PHF14: variants seen among roughly 807,000 people sequenced by gnomAD.
The protein encoded by PHF14 is PHD finger protein 14.
PHF14 carries 55 observed loss-of-function variants against 117.9 expected under a neutral mutation model. That is an observed-to-expected ratio of 0.47 (90% CI 0.38 to 0.58). The LOEUF (loss-of-function observed/expected upper bound fraction) is 0.58. Ranked by LOEUF, PHF14 falls within the 20% of genes least tolerant of loss-of-function variation. The pLI, the probability that PHF14 is intolerant of heterozygous loss-of-function variation, is 0.00. For synonymous variants in PHF14, 409 were observed against 368.6 expected (o/e 1.11, Z -1.26); for missense variants, 978 against 1,122.2 (o/e 0.87, Z 1.84).
At chr7:11,028,565 T>G (rs1338139471) in intron 6 of PHF14, 116 bp from the exon 7 acceptor site, 3 of 898,012 alleles carry the variant, frequency 3.3e-6, no homozygotes, top group Non-Finnish European at 5.2e-6. Context: ...TGGTACATAA[T>G]TGGTTCATTA....
chr7:11,004,246 CAAAAAAAAAAA>C (rs55917513), intron 4 of PHF14, among the ~76,000 whole-genome samples: 3 of 51,264 alleles, frequency 5.9e-5, no homozygotes, highest in South Asian at 8.0e-4. Flanking sequence ...GACTTTGTCT[CAAAAAAAAAAA>C]AAAAAAAAAA....
chr7:11,121,139 G>T (rs2128345865), intron 17 of PHF14, among the ~76,000 whole-genome samples: 1 of 152,208 alleles, frequency 6.6e-6, no homozygotes, highest in East Asian at 1.9e-4. Context: ...CCTAAAGAAT[G>T]ACTTTTTAAC....
chr7:11,031,461 T>G (rs1220050822), intron 7 of PHF14, among the ~76,000 whole-genome samples: 1 of 152,076 alleles, frequency 6.6e-6, no homozygotes, highest in Non-Finnish European at 1.5e-5. Context: ...TTTTTAAAAC[T>G]GGACTATAGG....
At chr7:11,004,953 G>T (rs1171134045) in intron 4 of PHF14, among the ~76,000 whole-genome samples, 1 of 151,888 alleles carries the variant, frequency 6.6e-6, no homozygotes, top group African/African-American at 2.4e-5. Flanking sequence ...GGAGGCGGAG[G>T]TTACAGTAAG....
intron 4 of PHF14, chr7:11,006,959 G>GA (rs1251867822): frequency 2.6e-5 from 11 of 425,636 alleles, no homozygotes; most frequent in African/African-American, 2.0e-4. Flanking sequence ...TGGATCACCT[G>GA]AAGTCAGGAG....
chr7:10,978,188 G>A (rs1781934662), intron 2 of PHF14, among the ~76,000 whole-genome samples: 1 of 152,168 alleles, frequency 6.6e-6, no homozygotes, highest in Non-Finnish European at 1.5e-5. Flanking sequence ...ACCAAGATGT[G>A]TTCATTGATT....
At chr7:11,118,646 G>A (rs1787666628) in intron 17 of PHF14, among the ~76,000 whole-genome samples, 1 of 151,582 alleles carries the variant, frequency 6.6e-6, no homozygotes, top group Non-Finnish European at 1.5e-5. Context: ...TCCTAGACGT[G>A]TTTTCTGAAA....
At chr7:11,059,242 A>G (rs1453815286) in intron 14 of PHF14, among the ~76,000 whole-genome samples, 1 of 152,210 alleles carries the variant, frequency 6.6e-6, no homozygotes, top group Non-Finnish European at 1.5e-5. Flanking sequence ...TCAAAATGGT[A>G]AATAAACATC....
At chr7:11,147,515 T>A (rs192092943) in intron 17 of PHF14, among the ~76,000 whole-genome samples, 1 of 152,314 alleles carries the variant, frequency 6.6e-6, no homozygotes, top group Admixed American at 6.5e-5. Context: ...TCACTTACAA[T>A]CTCTTTCTTA....
chr7:11,015,821 AT>A (rs200930490), intron 5 of PHF14, among the ~76,000 whole-genome samples: 4,268 of 131,218 alleles, frequency 0.033, 107 homozygotes, highest in East Asian at 0.11. Flanking sequence ...TCATGCATAG[AT>A]TTTTTTTTTT....
chr7:10,988,989 A>G (rs1451912815), intron 3 of PHF14, among the ~76,000 whole-genome samples: 7 of 152,106 alleles, frequency 4.6e-5, no homozygotes, highest in Admixed American at 2.6e-4. Flanking sequence ...TTGTTTGCTT[A>G]CTCTGGTACT....
chr7:10,990,880 A>C, intron 4 of PHF14, 33 bp downstream of exon 4: 2 of 1,511,414 alleles, frequency 1.3e-6, no homozygotes, highest in African/African-American at 2.8e-5. Flanking sequence ...CTTTTTAGAA[A>C]TGGCTGACTG....
intron 13 of PHF14, among the ~76,000 whole-genome samples, chr7:11,045,200 G>A (rs1160727161): frequency 6.6e-6 from 1 of 152,124 alleles, no homozygotes; most frequent in Non-Finnish European, 1.5e-5. Flanking sequence ...ACATTTACTA[G>A]CATATCACTG....
chr7:11,013,750 G>A lies in PHF14; in HGVS notation c.1049G>A (p.Cys350Tyr). Residue 350 changes from cysteine (C) to tyrosine (Y), a missense_variant, in exon 5 of 18, where the codon TGT (cysteine) becomes TAT (tyrosine). By Grantham distance (194) the Cys-to-Tyr change is radical (BLOSUM62 -2). Coordinates refer to ENST00000634607, the MANE Select transcript of PHF14 (RefSeq NM_001007157.2). ...ATAGTGTTTTTGTTTTTTTTAGGTTGTTATGGAGTTGATGGAGAGAGTGAC... is the reference window on the plus strand; with the variant it reads ...ATAGTGTTTTTGTTTTTTTTAGGTTATTATGGAGTTGATGGAGAGAGTGAC... ...DNCGITVHEG[C>Y]YGVDGESDSI... The A allele has an allele frequency of 6.5e-7, 1 of 1,535,308 alleles. No individual in the cohort carries two copies. The highest frequency in any genetic ancestry group is 8.9e-7 in the Non-Finnish European group (1 of 1,127,380).
intron 17 of PHF14, among the ~76,000 whole-genome samples, chr7:11,123,021 G>A (rs941149389): frequency 5.9e-5 from 9 of 152,034 alleles, no homozygotes; most frequent in Admixed American, 2.0e-4. Context: ...CTTCTTTCTC[G>A]CCTTCAGTGA....
rs774112740 is a variant in PHF14 at position 11,036,498 on chromosome 7, A to C, written c.1683A>C (p.Pro561=). The part of the protein sequence containing the change: ...ARSTRPQAWV[P]REKLPRPLTS... ...CTACCAGACCCCAGGCCTGGGTTCC[A>C]AGGGAAAAATTGCCCAGACCACTCA... is the stretch of plus-strand genomic sequence containing the variant. Residue 561 remains proline (P), a synonymous_variant, in exon 9 of 18, where the codon CCA becomes CCC. Coordinates refer to ENST00000634607, the MANE Select transcript of PHF14 (RefSeq NM_001007157.2). The C allele has an allele frequency of 3.7e-5, 60 of 1,613,802 alleles. No homozygotes were observed. Among genetic ancestry groups the C allele is most frequent in the Non-Finnish European group, 4.9e-5 (58 of 1,179,826 alleles).
In PHF14 at chr7:11,102,527, G is replaced by A. The variant is rs59674198; in HGVS notation, c.2655-8823G>A. The A allele has an allele frequency of 1.6e-5, 26 of 1,611,528 alleles. No individual in the cohort carries two copies. The African/African-American group carries it at 3.3e-4, about 21-fold the overall frequency. ...CCAACTCTGCCACAGCTCATCCTCG[G>A]AGGCAATCCCGGAAACCTCTTTTAT... is the stretch of plus-strand genomic sequence containing the variant. On this transcript the variant is annotated intron_variant, in intron 16 of 17. Transcript: ENST00000634607.
At chr7:11,048,632 A>G (rs1199882170) in intron 13 of PHF14, among the ~76,000 whole-genome samples, 1 of 152,224 alleles carries the variant, frequency 6.6e-6, no homozygotes, top group Non-Finnish European at 1.5e-5. Flanking sequence ...GCTTTATTCT[A>G]GGTTATTATT....
intron 9 of PHF14, 124 bp downstream of exon 9, chr7:11,036,812 A>G (rs1784335698): frequency 3.0e-6 from 3 of 1,000,578 alleles, no homozygotes; most frequent in African/African-American, 3.3e-5. Context: ...AGGGATGTTT[A>G]TTTTCCTAAT....
Sources: allele counts gnomAD v4.1 joint callset (sites outside exome capture counted in the v4.1 genomes callset), GRCh38; gene constraint gnomAD v4.1.1; transcripts MANE v1.5; gene names NCBI Gene and HGNC (gene_info 2026-07-23, HGNC 2026-07-21).